Variants in AKAP6 observed in about 807,000 individuals in gnomAD.
The protein encoded by AKAP6 is A-kinase anchoring protein 6.
Under a neutral mutation model 188.5 loss-of-function variants are expected in AKAP6, and 58 were observed. The ratio of observed to expected loss-of-function variants is 0.31; its 90% CI spans 0.25 to 0.38. The LOEUF is 0.38. Ranked by LOEUF, AKAP6 falls within the 10% of genes least tolerant of loss-of-function variation. The pLI, the probability that AKAP6 is intolerant of heterozygous loss-of-function variation, is 1.00. For synonymous variants in AKAP6, 989 were observed against 998.6 expected (o/e 0.99, Z 0.18); for missense variants, 2,710 against 2,740.0 (o/e 0.99, Z 0.24).
At chr14:32,745,640 C>T (rs2031876021) in intron 11 of AKAP6, among the ~76,000 whole-genome samples, 1 of 151,996 alleles carries the variant, frequency 6.6e-6, no homozygotes, top group Non-Finnish European at 1.5e-5. Context: ...GCACTGGGTC[C>T]CGCCCAAGGC....
intron 7 of AKAP6, among the ~76,000 whole-genome samples, chr14:32,631,025 A>G (rs2139453334): frequency 6.6e-6 from 1 of 152,152 alleles, no homozygotes; most frequent in Admixed American, 6.6e-5. Context: ...AAATTCACAG[A>G]TTACATGGAG....
At chr14:32,748,249 T>G (rs931529517) in intron 11 of AKAP6, among the ~76,000 whole-genome samples, 1 of 152,220 alleles carries the variant, frequency 6.6e-6, no homozygotes, top group Non-Finnish European at 1.5e-5. Flanking sequence ...GTTTAGAGGC[T>G]TAAGTGTGGA....
intron 12 of AKAP6, among the ~76,000 whole-genome samples, chr14:32,805,841 A>T (rs6571554): frequency 0.47 from 71,705 of 152,046 alleles, 17,095 homozygotes; most frequent in Non-Finnish European, 0.5. Context: ...CTATGTTTAG[A>T]CATCCAGGGG....
At chr14:32,588,316 G>C (rs1374451748) in intron 5 of AKAP6, among the ~76,000 whole-genome samples, 1 of 152,180 alleles carries the variant, frequency 6.6e-6, no homozygotes, top group East Asian at 1.9e-4. Context: ...ATATGCCACA[G>C]TTTATTTAAT....
At chr14:32,472,918 A>G (rs941012351) in intron 2 of AKAP6, among the ~76,000 whole-genome samples, 1 of 152,164 alleles carries the variant, frequency 6.6e-6, no homozygotes, top group Non-Finnish European at 1.5e-5. Flanking sequence ...AAATGATGTA[A>G]TCCTAATGCT....
At chr14:32,417,427 CT>C (rs1889694399) in intron 1 of AKAP6, among the ~76,000 whole-genome samples, 1 of 152,138 alleles carries the variant, frequency 6.6e-6, no homozygotes, top group African/African-American at 2.4e-5. Flanking sequence ...ACAGAGACTT[CT>C]TTGGGTTCAA....
intron 7 of AKAP6, among the ~76,000 whole-genome samples, chr14:32,669,110 A>G (rs1889069944): frequency 6.6e-6 from 1 of 152,190 alleles, no homozygotes; most frequent in African/African-American, 2.4e-5. Flanking sequence ...TAGGTTATAC[A>G]TTCCCTGAGG....
intron 7 of AKAP6, among the ~76,000 whole-genome samples, chr14:32,621,724 G>A (rs186448282): frequency 4.1e-4 from 63 of 152,070 alleles, no homozygotes; most frequent in African/African-American, 1.4e-3. Flanking sequence ...GTGTCTTTCT[G>A]TTGACTTTCT....
intron 9 of AKAP6, among the ~76,000 whole-genome samples, chr14:32,723,957 TATTC>T (rs887152079): frequency 2.0e-5 from 3 of 152,160 alleles, no homozygotes; most frequent in African/African-American, 7.2e-5. Flanking sequence ...TATTGTTAAA[TATTC>T]AGGAATTTTA....
At chr14:32,709,313 C>A (rs1006211579) in intron 9 of AKAP6, among the ~76,000 whole-genome samples, 1 of 142,620 alleles carries the variant, frequency 7.0e-6, no homozygotes, top group African/African-American at 2.6e-5. Context: ...TGGAGCACAA[C>A]GATTTTTTTT....
At chr14:32,329,904 AC>A (rs1217737596) in intron 1 of AKAP6, among the ~76,000 whole-genome samples, 3 of 152,070 alleles carry the variant, frequency 2.0e-5, no homozygotes, top group Non-Finnish European at 4.4e-5. Flanking sequence ...ATTTGACATA[AC>A]CCTGATGTGA....
At chr14:32,367,924 A>G (rs1038350519) in intron 1 of AKAP6, among the ~76,000 whole-genome samples, 3 of 152,256 alleles carry the variant, frequency 2.0e-5, no homozygotes, top group Non-Finnish European at 4.4e-5. Flanking sequence ...TTCTGGAGAC[A>G]GGAAACTCAG....
intron 1 of AKAP6, among the ~76,000 whole-genome samples, chr14:32,333,180 G>A (rs1040579145): frequency 2.0e-5 from 3 of 152,232 alleles, no homozygotes; most frequent in Non-Finnish European, 4.4e-5. Context: ...AGGCTGATCA[G>A]AAAGCATCAA....
chr14:32,705,520 G>A (rs1253603056), intron 9 of AKAP6, among the ~76,000 whole-genome samples: 1 of 152,100 alleles, frequency 6.6e-6, no homozygotes, highest in Non-Finnish European at 1.5e-5. Context: ...TTATCAAATA[G>A]TAAGATTTTA....
intron 5 of AKAP6, among the ~76,000 whole-genome samples, chr14:32,588,950 C>G (rs2139311400): frequency 6.6e-6 from 1 of 152,288 alleles, no homozygotes; most frequent in East Asian, 1.9e-4. Context: ...CAAATACTTT[C>G]AGCTGTTTTT....
chr14:32,717,240 G>A (rs1200464441), intron 9 of AKAP6, among the ~76,000 whole-genome samples: 1 of 152,050 alleles, frequency 6.6e-6, no homozygotes, highest in East Asian at 1.9e-4. Flanking sequence ...TGTGCTAAAT[G>A]GCCACATCCT....
At chr14:32,654,207 G>A (rs536058212) in intron 7 of AKAP6, among the ~76,000 whole-genome samples, 27 of 152,120 alleles carry the variant, frequency 1.8e-4, no homozygotes, top group Admixed American at 5.9e-4. Context: ...TGTGTTGTTT[G>A]CAACTGGCTG....
intron 1 of AKAP6, among the ~76,000 whole-genome samples, chr14:32,398,313 T>C (rs1888945507): frequency 6.6e-6 from 1 of 152,230 alleles, no homozygotes; most frequent in African/African-American, 2.4e-5. Flanking sequence ...TGGAAGGATC[T>C]GCTTCCTCTA....
At chr14:32,390,563 C>A (rs1035583609) in intron 1 of AKAP6, among the ~76,000 whole-genome samples, 1 of 152,084 alleles carries the variant, frequency 6.6e-6, no homozygotes, top group Non-Finnish European at 1.5e-5. Context: ...AGTACTCTCC[C>A]CCTTTTCCTA....
Sources: allele counts gnomAD v4.1 joint callset (sites outside exome capture counted in the v4.1 genomes callset), GRCh38; gene constraint gnomAD v4.1.1; transcripts MANE v1.5; gene names NCBI Gene and HGNC (gene_info 2026-07-23, HGNC 2026-07-21).